The following GABRG1 variants were observed in gnomAD, a reference collection of about 807,000 sequenced individuals.
GABRG1 encodes the protein gamma-aminobutyric acid type A receptor subunit gamma1.
A neutral mutation model predicts 49.8 loss-of-function variants in GABRG1; 49 were observed. That is an observed-to-expected ratio of 0.98 (90% CI 0.78 to 1.25). GABRG1 has a LOEUF of 1.25. Ranked by LOEUF, GABRG1 falls within the 50% of genes most tolerant of loss-of-function variation. GABRG1 has a pLI of 0.00. For synonymous variants in GABRG1, 232 were observed against 185.1 expected, an observed-to-expected ratio of 1.25 and a Z score of -2.06; for missense variants, 552 against 552.3, an observed-to-expected ratio of 1.00 and a Z score of 0.01.
intron 3 of GABRG1, among the ~76,000 whole-genome samples, chr4:46,076,383 A>ATG (rs1243670314): frequency 7.3e-6 from 1 of 136,332 alleles, no homozygotes; most frequent in Non-Finnish European, 1.6e-5. Flanking sequence ...ATATATATAT[A>ATG]TATATATATA....
Position 46,068,844 on chromosome 4 carries a change from G to T in GABRG1, c.322-3260C>A, listed in dbSNP as rs915132833. Among the ~76,000 whole-genome samples, 10 of 152,020 alleles carry T rather than the reference G, an allele frequency of 6.6e-5. No individual in the cohort carries two copies. In the South Asian group the frequency reaches 1.9e-3, roughly 28 times the overall value. ...ATAAGCAAAAGAAAAACATAAAATC[G>T]AACTTCTGTTTACTCAGAACGAAAA... On this transcript the variant is annotated intron_variant, in intron 3 of 8. Coordinates refer to ENST00000295452, the MANE Select transcript of GABRG1 (RefSeq NM_173536.4).
intron 3 of GABRG1, among the ~76,000 whole-genome samples, chr4:46,067,087 T>C (rs994890485): frequency 6.6e-6 from 1 of 151,822 alleles, no homozygotes; most frequent in Non-Finnish European, 1.5e-5. Context: ...GGAAGTACAA[T>C]TGGGGAAGTG....
chr4:46,068,437 G>T (rs1290938370), intron 3 of GABRG1, among the ~76,000 whole-genome samples: 3 of 152,096 alleles, frequency 2.0e-5, no homozygotes, highest in African/African-American at 7.2e-5. Context: ...CTTAGCAGCT[G>T]CAGGACCTTC....
intron 3 of GABRG1, among the ~76,000 whole-genome samples, chr4:46,076,361 T>C (rs933123784): frequency 2.6e-5 from 2 of 78,146 alleles, no homozygotes; most frequent in East Asian, 3.6e-4. Context: ...TAGGTCATGT[T>C]CATATATATA....
chr4:46,083,026 CA>C (rs1405934832), intron 3 of GABRG1, among the ~76,000 whole-genome samples: 1 of 151,620 alleles, frequency 6.6e-6, no homozygotes, highest in Non-Finnish European at 1.5e-5. Context: ...ATCTATAAGG[CA>C]AAATGCTGCT....
intron 5 of GABRG1, among the ~76,000 whole-genome samples, chr4:46,063,395 G>A (rs373881056): frequency 6.6e-6 from 1 of 151,962 alleles, no homozygotes; most frequent in Non-Finnish European, 1.5e-5. Flanking sequence ...CTTTGACAAA[G>A]CTGAGAAAAA....
chr4:46,101,599 C>G (rs564212879), intron 1 of GABRG1, among the ~76,000 whole-genome samples: 1 of 151,480 alleles, frequency 6.6e-6, no homozygotes, highest in Non-Finnish European at 1.5e-5. Flanking sequence ...AATACAAAGA[C>G]AAATGAAATT....
rs184387952 is a variant in GABRG1 at position 46,117,496 on chromosome 4, A to T, written c.104+6314T>A. 2.7e-5 allele frequency among the ~76,000 whole-genome samples: 4 copies of T among 149,240 alleles called. No homozygotes were observed. The East Asian group carries it at 7.9e-4, about 30-fold the overall frequency. On this transcript the variant is annotated intron_variant, in intron 1 of 8. Transcript: ENST00000295452. Reference sequence around the variant, plus strand: ...TATATAGGAAATCTATATACAAAAAATTCTACCAAACTGTGAGACTCTACC... The same window carrying T: ...TATATAGGAAATCTATATACAAAAATTTCTACCAAACTGTGAGACTCTACC...
Position 46,104,939 on chromosome 4 carries a change from T to A in GABRG1, c.105-7590A>T, listed in dbSNP as rs1025561286. ...CAGTTTCCTCATCAAACTTTTAAGG[T>A]TTATATTTCTGTAAACCCTTAGGTA... On this transcript the variant is annotated intron_variant, in intron 1 of 8. Transcript: ENST00000295452. 1.3e-4 allele frequency among the ~76,000 whole-genome samples: 19 copies of A among 151,536 alleles called. No individual in the cohort carries two copies. In the East Asian group the frequency reaches 3.1e-3, roughly 25 times the overall value.
At chr4:46,107,911 A>T (rs1190752624) in intron 1 of GABRG1, among the ~76,000 whole-genome samples, 1 of 151,232 alleles carries the variant, frequency 6.6e-6, no homozygotes, top group Non-Finnish European at 1.5e-5. Context: ...ATAATAGAAT[A>T]AGTATTTACT....
chr4:46,044,923 T>C (rs574333572), intron 8 of GABRG1, among the ~76,000 whole-genome samples: 2 of 152,226 alleles, frequency 1.3e-5, no homozygotes, highest in South Asian at 4.1e-4. Flanking sequence ...AATGTCCTAG[T>C]ATTGTGCCAT....
chr4:46,042,841 A>G (rs976733997), intron 8 of GABRG1, among the ~76,000 whole-genome samples: 2 of 151,968 alleles, frequency 1.3e-5, no homozygotes, highest in Non-Finnish European at 2.9e-5. Context: ...CCTTGAGGAT[A>G]AGGAGAAATG....
chr4:46,091,978 A>T (rs1720006488), intron 2 of GABRG1, among the ~76,000 whole-genome samples: 1 of 152,208 alleles, frequency 6.6e-6, no homozygotes, highest in Non-Finnish European at 1.5e-5. Flanking sequence ...TTGAAATGTG[A>T]CTTTTCAACA....
At chr4:46,042,909 G>A (rs1196609689) in intron 8 of GABRG1, among the ~76,000 whole-genome samples, 1 of 151,834 alleles carries the variant, frequency 6.6e-6, no homozygotes, top group African/African-American at 2.4e-5. Context: ...AAAAAGCAGA[G>A]GCAGTATCTT....
At chr4:46,091,760 T>C (rs2109427995) in intron 2 of GABRG1, among the ~76,000 whole-genome samples, 1 of 151,956 alleles carries the variant, frequency 6.6e-6, no homozygotes, top group South Asian at 2.1e-4. Context: ...AGAAGAAAAA[T>C]GTCTGATGAA....
At chr4:46,110,793 C>T (rs1347934157) in intron 1 of GABRG1, among the ~76,000 whole-genome samples, 1 of 150,862 alleles carries the variant, frequency 6.6e-6, no homozygotes, top group Non-Finnish European at 1.5e-5. Flanking sequence ...TAGATATAAT[C>T]CAACATCCTT....
chr4:46,038,312 C>CA lies in GABRG1; in HGVS notation c.*2675dup, dbSNP rs1435797743. ...AAATATTACCCTGTCATTGTAAATC[C>CA]AAAATCACATTTTCCCCTCTCAGAA... On this transcript the variant is annotated 3_prime_UTR_variant, in exon 9 of 9. Transcript: ENST00000295452. 3 of 151,594 alleles carry CA rather than the reference C, an allele frequency of 2.0e-5. No individual in the cohort carries two copies. In the Admixed American group the frequency reaches 2.0e-4, roughly 10 times the overall value. The allele number at this position is 151,594 out of a possible 1,614,324, so 9.4% of individuals were successfully genotyped here.
chr4:46,077,480 T>A (rs1362358111), intron 3 of GABRG1, among the ~76,000 whole-genome samples: 6 of 152,048 alleles, frequency 3.9e-5, no homozygotes, highest in Non-Finnish European at 7.4e-5. Context: ...TTTTCTTCTA[T>A]CTAAATTAAA....
intron 8 of GABRG1, among the ~76,000 whole-genome samples, chr4:46,044,943 A>T (rs1717933145): frequency 6.6e-6 from 1 of 152,084 alleles, no homozygotes; most frequent in Non-Finnish European, 1.5e-5. Context: ...TCATCCTATC[A>T]TTTAGAATGT....
Sources: gnomAD v4.1 joint callset for allele counts (sites outside exome capture counted in the v4.1 genomes callset) on GRCh38, gnomAD v4.1.1 for gene constraint, MANE v1.5 for transcripts, NCBI Gene and HGNC (gene_info 2026-07-23, HGNC 2026-07-21) for gene names.